Variants in CLEC6A observed in about 807,000 individuals in gnomAD.
CLEC6A encodes C-type lectin domain family 6 member A.
A neutral mutation model predicts 25.7 loss-of-function variants in CLEC6A; 22 were observed. The observed-to-expected ratio is 0.85, with a 90% CI of 0.61 to 1.22. The LOEUF is 1.22. Ranked by LOEUF, CLEC6A falls within the 50% of genes most tolerant of loss-of-function variation. The probability of loss-of-function intolerance (pLI) is 0.00; values close to 1 mark genes in which losing one functional copy is unlikely to be tolerated. For missense variants in CLEC6A, 240 were observed against 236.8 expected (o/e 1.01, Z -0.09); for synonymous variants, 92 against 76.7 (o/e 1.20, Z -1.04).
intron 5 of CLEC6A, among the ~76,000 whole-genome samples, chr12:8,476,524 C>G (rs753051682): frequency 1.3e-5 from 2 of 152,168 alleles, no homozygotes; most frequent in South Asian, 4.1e-4. Context: ...GTGCTCTAAA[C>G]TATTATATTT....
rs772552671 is a variant in CLEC6A at position 8,457,647 on chromosome 12, A to G, written c.32-251A>G. Among the ~76,000 whole-genome samples the G allele has an allele frequency of 1.2e-4, 19 of 152,326 alleles. 1 individual carries two copies. In the South Asian group the frequency reaches 2.9e-3, roughly 23 times the overall value. ...AGAAACGAAATCAATGGAAACATGT[A>G]ATAGTTTAGAAGAAAGAATAAAGAC... On this transcript the variant is annotated intron_variant, in intron 1 of 5. Transcript: ENST00000382073.
At chr12:8,463,195 C>T (rs1939786990) in intron 3 of CLEC6A, among the ~76,000 whole-genome samples, 1 of 152,070 alleles carries the variant, frequency 6.6e-6, no homozygotes, top group Non-Finnish European at 1.5e-5. Flanking sequence ...TTTTAATTTC[C>T]TGTGGCCCAT....
At chr12:8,461,194 A>G in intron 3 of CLEC6A, 1 of 1,024,404 alleles carries the variant, frequency 9.8e-7, no homozygotes. Flanking sequence ...GGCAGATTGG[A>G]GAATGTGCAA....
chr12:8,471,846 A>G (rs184486838), intron 4 of CLEC6A, among the ~76,000 whole-genome samples: 100 of 152,200 alleles, frequency 6.6e-4, no homozygotes, highest in African/African-American at 2.4e-3. Context: ...TGAATGTATC[A>G]TAACAGTCCC....
chr12:8,463,632 TA>T, intron 3 of CLEC6A, among the ~76,000 whole-genome samples: 1 of 152,330 alleles, frequency 6.6e-6, no homozygotes, highest in Middle Eastern at 3.4e-3. Context: ...CTCCCAATGT[TA>T]TTGAAAGTAA....
chr12:8,457,890 T>A lies in CLEC6A; in HGVS notation c.32-8T>A. 6.2e-7 allele frequency: 1 copy of A among 1,611,540 alleles called. No homozygotes were observed. Among genetic ancestry groups the A allele is most frequent in the Middle Eastern group, 1.7e-4 (1 of 6,036 alleles). On this transcript the variant is annotated splice_polypyrimidine_tract_variant and splice_region_variant and intron_variant, in intron 1 of 5. Transcript: ENST00000382073. ...GTAACTGCATTTGTTGTCTTCCTGA[T>A]TGGACAGAGAAAAGAGGCTGGTTGT...
intron 2 of CLEC6A, among the ~76,000 whole-genome samples, chr12:8,458,892 T>A (rs10743396): frequency 9.2e-5 from 14 of 152,052 alleles, no homozygotes; most frequent in Admixed American, 7.2e-4. Context: ...TCAGATCAGA[T>A]CCTGAGAGAT....
chr12:8,465,653 T>C (rs1349229509), intron 4 of CLEC6A, 24 bp downstream of exon 4: 2 of 1,596,686 alleles, frequency 1.3e-6, no homozygotes, highest in Non-Finnish European at 1.7e-6. Context: ...TTAAAATTTA[T>C]TTAATTGTAG....
At chr12:8,468,514 A>G (rs1357804687) in intron 4 of CLEC6A, among the ~76,000 whole-genome samples, 1 of 152,154 alleles carries the variant, frequency 6.6e-6, no homozygotes, top group Non-Finnish European at 1.5e-5. Context: ...TAGGACTTCC[A>G]GTACTATGTT....
chr12:8,464,236 T>C, intron 3 of CLEC6A, among the ~76,000 whole-genome samples: 1 of 152,098 alleles, frequency 6.6e-6, no homozygotes, highest in East Asian at 1.9e-4. Flanking sequence ...TAGAACTATA[T>C]GTAATAACAT....
intron 4 of CLEC6A, among the ~76,000 whole-genome samples, chr12:8,468,751 A>G (rs1939868835): frequency 6.6e-6 from 1 of 152,200 alleles, no homozygotes; most frequent in South Asian, 2.1e-4. Context: ...TTTATTATTA[A>G]AACCCTCAGT....
rs757955472 is a variant in CLEC6A, at chr12:8,465,519, G to T, written c.259G>T (p.Gly87Cys). The T allele has an allele frequency of 6.2e-7, 1 of 1,613,798 alleles. No individual in the cohort carries two copies. The highest frequency in any genetic ancestry group is 1.1e-5 in the South Asian group (1 of 91,068). ...GCCPASWKSFGSSCYFISSEE... is the reference protein window; with the variant it reads ...GCCPASWKSFCSSCYFISSEE... ...TTGCCCAGCTTCTTGGAAGTCATTTGGTTCCAGTTGCTACTTCATTTCCAG... is the reference window on the plus strand; with the variant it reads ...TTGCCCAGCTTCTTGGAAGTCATTTTGTTCCAGTTGCTACTTCATTTCCAG... Residue 87 changes from glycine to cysteine, a missense_variant, in exon 4 of 6, where the codon GGT (glycine) becomes TGT (cysteine). Transcript: ENST00000382073.
intron 4 of CLEC6A, among the ~76,000 whole-genome samples, chr12:8,466,017 A>G (rs1383663511): frequency 2.0e-5 from 3 of 152,216 alleles, no homozygotes; most frequent in African/African-American, 7.2e-5. Flanking sequence ...GGGCTGAATA[A>G]CATTCCATTG....
chr12:8,464,806 G>C (rs1939809414), intron 3 of CLEC6A, among the ~76,000 whole-genome samples: 1 of 152,164 alleles, frequency 6.6e-6, no homozygotes. Context: ...ACTTGTAAGG[G>C]AAGAGAACTG....
chr12:8,476,935 G>A (rs1370426061), intron 5 of CLEC6A, among the ~76,000 whole-genome samples: 2 of 152,044 alleles, frequency 1.3e-5, no homozygotes, highest in African/African-American at 2.4e-5. Context: ...TTCACTTAAG[G>A]CAGATCCATG....
intron 3 of CLEC6A, among the ~76,000 whole-genome samples, chr12:8,460,163 A>G (rs377019556): frequency 9.4e-4 from 143 of 152,324 alleles, no homozygotes; most frequent in African/African-American, 3.0e-3. Flanking sequence ...GAGAGTTGGC[A>G]GAGTTGAATT....
intron 2 of CLEC6A, among the ~76,000 whole-genome samples, chr12:8,458,725 C>A (rs1286220689): frequency 2.0e-5 from 3 of 152,008 alleles, no homozygotes; most frequent in African/African-American, 7.3e-5. Context: ...TTTTACTTTT[C>A]ATAATCAAGT....
chr12:8,473,589 C>T (rs1939935125), intron 4 of CLEC6A, among the ~76,000 whole-genome samples: 1 of 152,018 alleles, frequency 6.6e-6, no homozygotes, highest in Non-Finnish European at 1.5e-5. Flanking sequence ...TGGATATATA[C>T]CTAGTAATGG....
chr12:8,473,412 C>A (rs1480598374), intron 4 of CLEC6A, among the ~76,000 whole-genome samples: 1 of 152,128 alleles, frequency 6.6e-6, no homozygotes, highest in Non-Finnish European at 1.5e-5. Flanking sequence ...TGATTTAAAT[C>A]ATTTTAATGA....
Sources: gnomAD v4.1 joint callset for allele counts (sites outside exome capture counted in the v4.1 genomes callset) on GRCh38, gnomAD v4.1.1 for gene constraint, MANE v1.5 for transcripts, NCBI Gene and HGNC (gene_info 2026-07-23, HGNC 2026-07-21) for gene names.